The following ULK4 variants were observed in gnomAD, a reference collection of about 807,000 sequenced individuals.
ULK4 encodes the protein inactive serine/threonine-protein kinase ULK4.
ULK4 carries 133 observed loss-of-function variants against 160.6 expected under a neutral mutation model. That is an observed-to-expected ratio of 0.83 (90% CI 0.72 to 0.96). The LOEUF is 0.96. Among genes scored for constraint, ULK4 ranks in the 40% least tolerant of loss-of-function variants. The pLI, the probability that ULK4 is intolerant of heterozygous loss-of-function variation, is 0.00. For missense variants in ULK4, 1,580 were observed against 1,499.5 expected, an observed-to-expected ratio of 1.05 and a Z score of -0.89; for synonymous variants, 534 against 539.8, an observed-to-expected ratio of 0.99 and a Z score of 0.15.
At chr3:41,399,633 G>C (rs1337707184) in intron 34 of ULK4, among the ~76,000 whole-genome samples, 2 of 152,072 alleles carry the variant, frequency 1.3e-5, no homozygotes, top group African/African-American at 4.8e-5. Flanking sequence ...GAGTGCAGTG[G>C]TATAAACATA....
intron 35 of ULK4, among the ~76,000 whole-genome samples, chr3:41,351,141 A>G (rs1305124666): frequency 1.3e-5 from 2 of 152,158 alleles, no homozygotes; most frequent in African/African-American, 4.8e-5. Flanking sequence ...CGTTTTCTGG[A>G]AAGCCAGCAA....
intron 32 of ULK4, among the ~76,000 whole-genome samples, chr3:41,522,971 G>A (rs919379269): frequency 9.9e-5 from 15 of 152,080 alleles, no homozygotes; most frequent in African/African-American, 3.1e-4. Flanking sequence ...GAGTACAGTG[G>A]CACGATCTCT....
intron 32 of ULK4, among the ~76,000 whole-genome samples, chr3:41,556,831 G>A (rs991115760): frequency 2.0e-5 from 3 of 151,664 alleles, no homozygotes; most frequent in Non-Finnish European, 4.4e-5. Context: ...ATGAATTTTC[G>A]AGAAATACAG....
chr3:41,689,378 AG>A (rs1406807782), intron 27 of ULK4, among the ~76,000 whole-genome samples: 3 of 152,218 alleles, frequency 2.0e-5, no homozygotes, highest in Admixed American at 2.0e-4. Flanking sequence ...GGAGTAATGG[AG>A]GGTTTATAGC....
At chr3:41,520,047 G>A (rs565970606) in intron 32 of ULK4, among the ~76,000 whole-genome samples, 12 of 152,112 alleles carry the variant, frequency 7.9e-5, no homozygotes, top group Middle Eastern at 3.4e-3. Context: ...TTTTAACTGC[G>A]GTAAAATACA....
At chr3:41,463,006 G>A in intron 33 of ULK4, 81 bp downstream of exon 33, 2 of 1,472,808 alleles carry the variant, frequency 1.4e-6, no homozygotes, top group African/African-American at 1.4e-5. Context: ...ACACAATAGA[G>A]GAAGATAAGA....
intron 34 of ULK4, among the ~76,000 whole-genome samples, chr3:41,446,387 A>T (rs1220841356): frequency 2.0e-5 from 3 of 152,218 alleles, no homozygotes; most frequent in African/African-American, 7.2e-5. Flanking sequence ...TATATACCCA[A>T]AGGATTATAA....
chr3:41,865,601 T>C (rs912057770), intron 17 of ULK4, among the ~76,000 whole-genome samples: 4 of 152,198 alleles, frequency 2.6e-5, no homozygotes, highest in African/African-American at 9.7e-5. Context: ...TTTAATATCC[T>C]TGGCCCATCG....
intron 34 of ULK4, among the ~76,000 whole-genome samples, chr3:41,434,851 T>C (rs1313790966): frequency 1.3e-5 from 2 of 152,240 alleles, no homozygotes; most frequent in Non-Finnish European, 2.9e-5. Context: ...ATTGACTTTT[T>C]AAAATAACCT....
chr3:41,856,190 T>G (rs1440331839), intron 17 of ULK4, among the ~76,000 whole-genome samples: 2 of 152,094 alleles, frequency 1.3e-5, no homozygotes, highest in Non-Finnish European at 2.9e-5. Flanking sequence ...CACAAAAATG[T>G]GATTATTATT....
At chr3:41,417,606 C>T (rs73828019) in intron 34 of ULK4, among the ~76,000 whole-genome samples, 8,614 of 152,178 alleles carry the variant, frequency 0.057, 539 homozygotes, top group East Asian at 0.36. Context: ...ACTCTGCAAA[C>T]CCTGGGTGCC....
intron 31 of ULK4, among the ~76,000 whole-genome samples, chr3:41,578,418 T>G (rs1415229088): frequency 1.3e-5 from 2 of 152,190 alleles, no homozygotes; most frequent in African/African-American, 4.8e-5. Flanking sequence ...ATTATATTTG[T>G]TTAGTCACTT....
chr3:41,373,188 T>A (rs1033884176), intron 35 of ULK4, among the ~76,000 whole-genome samples: 2 of 152,098 alleles, frequency 1.3e-5, no homozygotes, highest in Non-Finnish European at 2.9e-5. Context: ...ACAATAATAG[T>A]GTGGGAGTGA....
intron 30 of ULK4, among the ~76,000 whole-genome samples, chr3:41,647,125 GC>G (rs1354137479): frequency 6.6e-6 from 1 of 152,068 alleles, no homozygotes; most frequent in Non-Finnish European, 1.5e-5. Context: ...TAACTTCTTT[GC>G]CTTGGGTTTG....
chr3:41,833,892 T>C (rs1425320796), intron 18 of ULK4, among the ~76,000 whole-genome samples: 1 of 152,116 alleles, frequency 6.6e-6, no homozygotes, highest in Non-Finnish European at 1.5e-5. Context: ...CTTCCAATAC[T>C]ATTTTGCTCC....
chr3:41,661,216 A>G (rs1219710284), intron 30 of ULK4, among the ~76,000 whole-genome samples: 2 of 152,156 alleles, frequency 1.3e-5, no homozygotes, highest in East Asian at 3.9e-4. Flanking sequence ...ATGAGATCCC[A>G]TTTTCATTCA....
chr3:41,751,007 AGGGAAGGAGGGT>A (rs1336966342), intron 22 of ULK4, among the ~76,000 whole-genome samples: 6 of 69,828 alleles, frequency 8.6e-5, no homozygotes, highest in Admixed American at 4.0e-4. Context: ...AGAGGAAGGG[AGGGAAGGAGGGT>A]GGGAAGGAGG....
At chr3:41,653,802 G>A (rs1416970158) in intron 30 of ULK4, among the ~76,000 whole-genome samples, 1 of 152,120 alleles carries the variant, frequency 6.6e-6, no homozygotes, top group Non-Finnish European at 1.5e-5. Flanking sequence ...TAGCCATATG[G>A]GTCACAGTTT....
At chr3:41,643,804 T>C (rs1161470664) in intron 30 of ULK4, among the ~76,000 whole-genome samples, 2 of 152,366 alleles carry the variant, frequency 1.3e-5, no homozygotes, top group African/African-American at 2.4e-5. Context: ...TTTCACAATA[T>C]TGATACTTCC....
Sources: allele counts gnomAD v4.1 joint callset (sites outside exome capture counted in the v4.1 genomes callset), GRCh38; gene constraint gnomAD v4.1.1; transcripts MANE v1.5; gene names NCBI Gene and HGNC (gene_info 2026-07-23, HGNC 2026-07-21).